SLC67A1: variants seen among roughly 807,000 people sequenced by gnomAD.
SLC67A1 encodes solute carrier family 67 member A1.
the SLC67A1 span, chr11:2,919,225 C>A: frequency 2.0e-6 from 2 of 985,856 alleles, no homozygotes; most frequent in Non-Finnish European, 3.2e-6. Flanking sequence ...CCCTGATTGG[C>A]CAGGCTGCTG....
the SLC67A1 span, chr11:2,909,907 C>T: frequency 1.8e-6 from 1 of 559,212 alleles, no homozygotes; most frequent in Non-Finnish European, 3.0e-6. Context: ...CTGGATAGGG[C>T]CAGGTGATGT....
the SLC67A1 span, among the ~76,000 whole-genome samples, chr11:2,913,075 G>T: frequency 6.6e-6 from 1 of 152,170 alleles, no homozygotes; most frequent in Non-Finnish European, 1.5e-5. Context: ...GAGTGCAGGG[G>T]TGTTTGTAAC....
chr11:2,909,243 T>C, the SLC67A1 span: 1 of 1,538,588 alleles, frequency 6.5e-7, no homozygotes, highest in Non-Finnish European at 8.7e-7. Flanking sequence ...CTCTCCTTCC[T>C]GGCTGCCTTG....
the SLC67A1 span, among the ~76,000 whole-genome samples, chr11:2,924,193 C>T: frequency 2.0e-5 from 3 of 152,230 alleles, no homozygotes; most frequent in African/African-American, 7.2e-5. The surrounding 1 kb of genome is among the most constrained non-coding windows in gnomAD (Gnocchi z 8.6). Context: ...GCCACAGGGG[C>T]GTGGAGATGC....
the SLC67A1 span, among the ~76,000 whole-genome samples, chr11:2,907,024 C>G: frequency 5.9e-5 from 9 of 151,934 alleles, no homozygotes; most frequent in South Asian, 1.5e-3. This position sits in a 1 kb window ranked among gnomAD's most constrained non-coding sequence, Gnocchi z 6.7. Context: ...ATCTGGCAGA[C>G]AGAGGGCTTT....
chr11:2,906,012 G>A, the SLC67A1 span, among the ~76,000 whole-genome samples: 1 of 152,182 alleles, frequency 6.6e-6, no homozygotes, highest in Non-Finnish European at 1.5e-5. Context: ...GATGACTTGG[G>A]TAGGCGAGGA....
At chr11:2,907,424 A>G in the SLC67A1 span, among the ~76,000 whole-genome samples, 4 of 151,678 alleles carry the variant, frequency 2.6e-5, no homozygotes, top group African/African-American at 9.7e-5. This position sits in a 1 kb window ranked among gnomAD's most constrained non-coding sequence, Gnocchi z 6.7. Flanking sequence ...TGGCCACATC[A>G]CTCTGTCTTC....
the SLC67A1 span, among the ~76,000 whole-genome samples, chr11:2,904,224 T>C: frequency 5.3e-5 from 8 of 152,204 alleles, no homozygotes; most frequent in Non-Finnish European, 1.2e-4. Context: ...CTTCCTGTGT[T>C]TGCTTCTGGG....
At chr11:2,909,716 T>C in the SLC67A1 span, 1 of 1,504,726 alleles carries the variant, frequency 6.6e-7, no homozygotes, top group Non-Finnish European at 8.8e-7. Flanking sequence ...TACGGGTGAG[T>C]GGTGGGGGCC....
chr11:2,910,872 GC>G, the SLC67A1 span, among the ~76,000 whole-genome samples: 1 of 152,338 alleles, frequency 6.6e-6, no homozygotes, highest in South Asian at 2.1e-4. Context: ...CAGCCTGGGT[GC>G]CTGTCAGGCA....
At chr11:2,905,181 C>T in the SLC67A1 span, among the ~76,000 whole-genome samples, 1 of 152,164 alleles carries the variant, frequency 6.6e-6, no homozygotes, top group Non-Finnish European at 1.5e-5. Flanking sequence ...TGGGGCCCTG[C>T]AGCATGGAGA....
the SLC67A1 span, chr11:2,922,599 C>G: frequency 3.4e-6 from 5 of 1,488,542 alleles, no homozygotes; most frequent in Admixed American, 7.2e-5. Flanking sequence ...CCAGGAAGCC[C>G]TAGGAGCTAC....
At chr11:2,923,512 A>C in the SLC67A1 span, among the ~76,000 whole-genome samples, 2 of 152,166 alleles carry the variant, frequency 1.3e-5, no homozygotes, top group South Asian at 4.1e-4. The surrounding 1 kb of genome is among the most constrained non-coding windows in gnomAD (Gnocchi z 6.5). Context: ...GGGAGGCAGC[A>C]GACCAAGGTC....
At chr11:2,899,694 T>C in the SLC67A1 span, 1 of 1,511,926 alleles carries the variant, frequency 6.6e-7, no homozygotes, top group Non-Finnish European at 8.9e-7. Context: ...ACCAGGAAGT[T>C]CCCCCATTCA....
chr11:2,909,868 C>G, the SLC67A1 span: 6 of 784,290 alleles, frequency 7.7e-6, no homozygotes, highest in African/African-American at 1.1e-4. Flanking sequence ...CGCGCGAGGC[C>G]TAGGCCTGAC....
chr11:2,921,993 GCCA>G, the SLC67A1 span: 1 of 802,592 alleles, frequency 1.2e-6, no homozygotes, highest in South Asian at 1.5e-5. Flanking sequence ...AGGGGCCCTG[GCCA>G]CCACAGGCCA....
chr11:2,903,282 GCC>G, the SLC67A1 span: 1 of 1,579,688 alleles, frequency 6.3e-7, no homozygotes, highest in African/African-American at 1.3e-5. Context: ...CTGGACTTTT[GCC>G]CCCTGCTCCG....
chr11:2,920,262 G>A, the SLC67A1 span: 1 of 152,344 alleles, frequency 6.6e-6, no homozygotes, highest in Non-Finnish European at 1.5e-5. Context: ...CGTGGGCAGA[G>A]AGGGCCTCTG....
the SLC67A1 span, among the ~76,000 whole-genome samples, chr11:2,911,344 G>A: frequency 2.6e-5 from 4 of 151,870 alleles, no homozygotes; most frequent in Admixed American, 6.5e-5. Flanking sequence ...GCACACTGCT[G>A]GGAGGGTGTC....
Sources: gnomAD v4.1 joint callset for allele counts (sites outside exome capture counted in the v4.1 genomes callset) on GRCh38, gnomAD v4.1.1 for gene constraint, Gnocchi (gnomAD v3.1) non-coding constraint, MANE v1.5 for transcripts, NCBI Gene and HGNC (gene_info 2026-07-23, HGNC 2026-07-21) for gene names.